NUFIP2: variants seen among roughly 807,000 people sequenced by gnomAD.
The protein encoded by NUFIP2 is FMR1-interacting protein NUFIP2.
NUFIP2 carries 6 observed loss-of-function variants against 56.9 expected under a neutral mutation model. That is an observed-to-expected ratio of 0.11 (90% CI 0.06 to 0.21). The LOEUF (loss-of-function observed/expected upper bound fraction) is 0.21. Among genes scored for constraint, NUFIP2 ranks in the 10% least tolerant of loss-of-function variants. NUFIP2 has a pLI of 1.00. For missense variants in NUFIP2, 828 were observed against 826.8 expected (o/e 1.00, Z -0.02); for synonymous variants, 321 against 298.2 (o/e 1.08, Z -0.79).
chr17:29,286,746 A>G lies in NUFIP2; in HGVS notation c.1248T>C (p.Asn416=). ...LKSVTSANFS[N]GPVLAGTDGN... ...CATCAGTCCCTGCTAAAACAGGCCC[A>G]TTAGAAAAGTTGGCAGAAGTAACAG... Residue 416 remains asparagine (N), a synonymous_variant, in exon 2 of 4, where the codon AAT becomes AAC. Transcript: ENST00000225388. 6.2e-7 allele frequency: 1 copy of G among 1,614,126 alleles called. No individual in the cohort carries two copies. Among genetic ancestry groups the G allele is most frequent in the Non-Finnish European group, 8.5e-7 (1 of 1,180,018 alleles).
At chr17:29,281,778 T>A (rs1198496316) in intron 2 of NUFIP2, among the ~76,000 whole-genome samples, 1 of 151,102 alleles carries the variant, frequency 6.6e-6, no homozygotes, top group Non-Finnish European at 1.5e-5. Context: ...CACCCTTTTT[T>A]TTTTTAGAAG....
intron 1 of NUFIP2, 58 bp downstream of exon 1, chr17:29,293,725 C>CCCA: frequency 3.8e-6 from 5 of 1,299,352 alleles, no homozygotes; most frequent in Non-Finnish European, 5.3e-6. Context: ...AGCCCCACCC[C>CCCA]CATCTCTCCT....
intron 2 of NUFIP2, among the ~76,000 whole-genome samples, chr17:29,284,706 C>CAAAAAAAAAA (rs66700326): frequency 0.011 from 562 of 51,754 alleles, no homozygotes; most frequent in Middle Eastern, 0.015. Context: ...GACTCCATCT[C>CAAAAAAAAAA]AAAAAAAAAA....
chr17:29,277,839 C>T (rs1453456261), intron 2 of NUFIP2, among the ~76,000 whole-genome samples: 1 of 151,994 alleles, frequency 6.6e-6, no homozygotes, highest in East Asian at 1.9e-4. Context: ...ATGGTGAAAC[C>T]TCAGTCTCTA....
intron 2 of NUFIP2, among the ~76,000 whole-genome samples, chr17:29,273,015 A>AATATATAT (rs3085674): frequency 1.1e-4 from 16 of 145,188 alleles, no homozygotes; most frequent in African/African-American, 3.3e-4. Flanking sequence ...AGGCCCAGCT[A>AATATATAT]ATATATATAT....
At chr17:29,279,807 C>T (rs1200241293) in intron 2 of NUFIP2, among the ~76,000 whole-genome samples, 1 of 152,082 alleles carries the variant, frequency 6.6e-6, no homozygotes, top group Admixed American at 6.6e-5. Flanking sequence ...GCCACAGTAC[C>T]CAGACTATTT....
intron 1 of NUFIP2, among the ~76,000 whole-genome samples, chr17:29,290,726 AT>A (rs1450813674): frequency 6.6e-6 from 1 of 151,988 alleles, no homozygotes; most frequent in Non-Finnish European, 1.5e-5. Flanking sequence ...TCTTCTCATC[AT>A]TTTTAACAGA....
chr17:29,275,522 A>T (rs1473696991), intron 2 of NUFIP2, among the ~76,000 whole-genome samples: 1 of 152,182 alleles, frequency 6.6e-6, no homozygotes, highest in Non-Finnish European at 1.5e-5. Context: ...TTACAGAGGC[A>T]ATGTTCAACT....
chr17:29,270,324 G>GGGAA (rs1283052873), intron 2 of NUFIP2, among the ~76,000 whole-genome samples: 5 of 81,410 alleles, frequency 6.1e-5, no homozygotes, highest in African/African-American at 1.6e-4. Context: ...CTAACCTGGA[G>GGGAA]AAAAAAAAAA....
chr17:29,282,287 T>C (rs1458494305), intron 2 of NUFIP2, among the ~76,000 whole-genome samples: 1 of 151,746 alleles, frequency 6.6e-6, no homozygotes, highest in South Asian at 2.1e-4. Flanking sequence ...TTGGGTGCAG[T>C]GGCTCACACC....
chr17:29,290,040 G>C (rs186416186), intron 1 of NUFIP2, among the ~76,000 whole-genome samples: 36 of 152,170 alleles, frequency 2.4e-4, no homozygotes, highest in Middle Eastern at 3.4e-3. Context: ...TCAGCCTCCA[G>C]AGTAGCTGGG....
chr17:29,268,878 T>G (rs1278197346), intron 2 of NUFIP2, among the ~76,000 whole-genome samples: 1 of 152,158 alleles, frequency 6.6e-6, no homozygotes. Context: ...CCAATCCACA[T>G]CTATTATTAA....
intron 1 of NUFIP2, among the ~76,000 whole-genome samples, chr17:29,288,258 G>A (rs2153012709): frequency 6.6e-6 from 1 of 152,350 alleles, no homozygotes; most frequent in South Asian, 2.1e-4. Flanking sequence ...TGTTAGCCAG[G>A]ATGGTCTCGA....
rs868077761 is a variant in NUFIP2, at chr17:29,265,040, C to T, written c.2036-449G>A. On this transcript the variant is annotated intron_variant, in intron 3 of 3. Coordinates refer to ENST00000225388, the MANE Select transcript of NUFIP2 (RefSeq NM_020772.3). The stretch of plus-strand genomic sequence containing the variant: ...CAGTGTGGGAACTATCTAAGTAAAA[C>T]CTGCCACCAAAAACTTGACGTTAAA... Among the ~76,000 whole-genome samples the T allele has an allele frequency of 3.3e-5, 5 of 152,226 alleles. No homozygotes were observed. In the South Asian group the frequency reaches 1.0e-3, roughly 32 times the overall value.
intron 2 of NUFIP2, among the ~76,000 whole-genome samples, chr17:29,275,086 T>C (rs973779080): frequency 3.3e-5 from 5 of 152,058 alleles, no homozygotes; most frequent in African/African-American, 1.2e-4. Flanking sequence ...ATGCTCGATC[T>C]CGGCTCACTG....
At chr17:29,282,888 T>C (rs536729422) in intron 2 of NUFIP2, among the ~76,000 whole-genome samples, 7 of 152,188 alleles carry the variant, frequency 4.6e-5, no homozygotes, top group East Asian at 1.9e-4. Context: ...GCTTCACTTA[T>C]AAAAGATCTC....
chr17:29,283,295 A>G (rs574959770), intron 2 of NUFIP2, among the ~76,000 whole-genome samples: 3 of 152,338 alleles, frequency 2.0e-5, no homozygotes, highest in African/African-American at 4.8e-5. Flanking sequence ...GAAATTGTAC[A>G]TAAGAACTAT....
At chr17:29,269,529 G>T (rs540724739) in intron 2 of NUFIP2, among the ~76,000 whole-genome samples, 1 of 151,372 alleles carries the variant, frequency 6.6e-6, no homozygotes, top group Non-Finnish European at 1.5e-5. Flanking sequence ...TGCACAGGGG[G>T]ACAAGGTCTT....
intron 2 of NUFIP2, among the ~76,000 whole-genome samples, chr17:29,282,189 AT>A (rs2069144333): frequency 6.6e-6 from 1 of 152,028 alleles, no homozygotes; most frequent in African/African-American, 2.4e-5. Context: ...AACTTCCTGT[AT>A]TAAAAAAAGC....
Sources: allele counts gnomAD v4.1 joint callset (sites outside exome capture counted in the v4.1 genomes callset), GRCh38; gene constraint gnomAD v4.1.1; transcripts MANE v1.5; gene names NCBI Gene and HGNC (gene_info 2026-07-23, HGNC 2026-07-21).